Variants in S100Z observed in about 807,000 individuals in gnomAD.
The protein encoded by S100Z is protein S100-Z.
In S100Z, 11 loss-of-function variants were observed where a neutral mutation model predicts 8.5. The observed-to-expected ratio is 1.30, with a 90% confidence interval of 0.82 to 2.15. S100Z has a LOEUF of 2.15. S100Z is among the 30% of genes most tolerant of loss of function. The pLI is 0.00. For synonymous variants in S100Z, 34 were observed against 43.8 expected, an observed-to-expected ratio of 0.78 and a Z score of 0.89; for missense variants, 126 against 117.9, an observed-to-expected ratio of 1.07 and a Z score of -0.32.
At chr5:76,902,651 G>GT (rs1744272029) in intron 4 of S100Z, among the ~76,000 whole-genome samples, 1 of 147,440 alleles carries the variant, frequency 6.8e-6, no homozygotes, top group South Asian at 2.1e-4. Context: ...TTTTTTTGTT[G>GT]TTGTTTGTTT....
At chr5:76,877,037 T>C (rs148492372) in intron 3 of S100Z, among the ~76,000 whole-genome samples, 152 of 152,328 alleles carry the variant, frequency 1.0e-3, no homozygotes, top group African/African-American at 3.4e-3. Context: ...AGGCACACTG[T>C]GCTAAGTAGG....
intron 1 of S100Z, among the ~76,000 whole-genome samples, 179 bp downstream of exon 1, chr5:76,850,334 G>C (rs11959596): frequency 3.2e-4 from 30 of 95,202 alleles, no homozygotes; most frequent in African/African-American, 1.9e-3. Context: ...GGGGGGGTGG[G>C]GGAGAGAGAG....
intron 4 of S100Z, among the ~76,000 whole-genome samples, chr5:76,896,656 A>G (rs1463813924): frequency 5.9e-5 from 9 of 152,192 alleles, no homozygotes; most frequent in Admixed American, 2.0e-4. Context: ...ATCCCCATCA[A>G]TGCATACAAG....
chr5:76,950,047 T>G, the S100Z span, among the ~76,000 whole-genome samples: 12 of 152,326 alleles, frequency 7.9e-5, no homozygotes, highest in East Asian at 1.7e-3. Context: ...ATTTGGTGGT[T>G]GTTGTTGTTG....
intron 1 of S100Z, among the ~76,000 whole-genome samples, chr5:76,857,487 G>A (rs946389335): frequency 6.7e-6 from 1 of 149,874 alleles, no homozygotes; most frequent in African/African-American, 2.5e-5. Context: ...CCCACCTCCC[G>A]TCCTGCCCCC....
intron 4 of S100Z, among the ~76,000 whole-genome samples, chr5:76,899,683 A>G (rs146310419): frequency 1.3e-5 from 2 of 152,132 alleles, no homozygotes; most frequent in Non-Finnish European, 2.9e-5. Context: ...GTTTCTATTT[A>G]TATCTTATTG....
intron 1 of S100Z, among the ~76,000 whole-genome samples, chr5:76,855,595 G>A (rs533403289): frequency 2.0e-5 from 3 of 152,292 alleles, no homozygotes; most frequent in Admixed American, 6.5e-5. Flanking sequence ...TGGAACAGGA[G>A]TATTTACCTA....
chr5:76,919,808 T>C (rs763849232), intron 4 of S100Z, among the ~76,000 whole-genome samples: 37 of 151,948 alleles, frequency 2.4e-4, no homozygotes, highest in Non-Finnish European at 4.9e-4. Flanking sequence ...CTCATCATCC[T>C]TCCCAGGCTG....
chr5:76,858,496 C>A (rs111769834), intron 1 of S100Z, among the ~76,000 whole-genome samples: 7 of 151,090 alleles, frequency 4.6e-5, no homozygotes, highest in African/African-American at 1.7e-4. Flanking sequence ...ACATTCCAGC[C>A]GGGGCAGCAG....
At chr5:76,901,076 C>A (rs1744210604) in intron 4 of S100Z, among the ~76,000 whole-genome samples, 1 of 152,230 alleles carries the variant, frequency 6.6e-6, no homozygotes, top group Non-Finnish European at 1.5e-5. Flanking sequence ...CCCAAACATA[C>A]AGAGTCTCTC....
chr5:76,914,044 T>G (rs1323609067), intron 4 of S100Z, among the ~76,000 whole-genome samples: 1 of 152,054 alleles, frequency 6.6e-6, no homozygotes, highest in Non-Finnish European at 1.5e-5. Context: ...CCACAGATGG[T>G]CTTACAAGTG....
intron 4 of S100Z, among the ~76,000 whole-genome samples, chr5:76,915,637 T>C (rs976389798): frequency 4.6e-5 from 7 of 151,012 alleles, no homozygotes; most frequent in African/African-American, 1.7e-4. Flanking sequence ...AAAATAAAAA[T>C]AAATAAATAA....
chr5:76,929,237 G>T, the S100Z span, among the ~76,000 whole-genome samples: 1 of 152,206 alleles, frequency 6.6e-6, no homozygotes, highest in African/African-American at 2.4e-5. Flanking sequence ...TTTTTACATG[G>T]CAGAGAGAAG....
intron 1 of S100Z, among the ~76,000 whole-genome samples, chr5:76,863,750 G>A (rs373643133): frequency 6.6e-5 from 10 of 152,030 alleles, no homozygotes; most frequent in South Asian, 4.2e-4. Flanking sequence ...GTGTTAGCCA[G>A]GATGGTCTCG....
intron 4 of S100Z, among the ~76,000 whole-genome samples, chr5:76,902,628 G>T (rs1204169207): frequency 6.7e-6 from 1 of 148,570 alleles, no homozygotes; most frequent in East Asian, 2.0e-4. Flanking sequence ...ATGAAGGTGG[G>T]TTTTTTTTGT....
the S100Z span, chr5:76,952,795 C>A: frequency 3.3e-6 from 1 of 301,270 alleles, no homozygotes; most frequent in Non-Finnish European, 6.3e-6. Flanking sequence ...AAAATGCACT[C>A]CCTTATTCTT....
At chr5:76,894,217 T>TGATCCCAG (rs1411490847) in intron 4 of S100Z, among the ~76,000 whole-genome samples, 3 of 152,288 alleles carry the variant, frequency 2.0e-5, no homozygotes, top group Non-Finnish European at 4.4e-5. Flanking sequence ...TCTTCTCTGT[T>TGATCCCAG]GATCCCAGGT....
intron 1 of S100Z, among the ~76,000 whole-genome samples, chr5:76,861,784 AT>A (rs1466318757): frequency 1.3e-5 from 2 of 152,254 alleles, no homozygotes. Context: ...TGGCTCAAGA[AT>A]AAATTTGGGA....
chr5:76,859,478 C>T (rs1156400068), intron 1 of S100Z, among the ~76,000 whole-genome samples: 4 of 152,098 alleles, frequency 2.6e-5, no homozygotes, highest in African/African-American at 9.7e-5. Context: ...GCATCCAGCT[C>T]TGTTTAAAGT....
Sources: gnomAD v4.1 joint callset for allele counts (sites outside exome capture counted in the v4.1 genomes callset) on GRCh38, gnomAD v4.1.1 for gene constraint, MANE v1.5 for transcripts, NCBI Gene and HGNC (gene_info 2026-07-23, HGNC 2026-07-21) for gene names.